BNC2: variants seen among roughly 807,000 people sequenced by gnomAD.
The protein encoded by BNC2 is basonuclin zinc finger protein 2.
A neutral mutation model predicts 76.3 loss-of-function variants in BNC2; 20 were observed. The observed-to-expected ratio is 0.26, with a 90% confidence interval of 0.18 to 0.38. The LOEUF is 0.38. Among genes scored for constraint, BNC2 ranks in the 10% least tolerant of loss-of-function variants. The pLI is 1.00. For synonymous variants in BNC2, 582 were observed against 514.8 expected (o/e 1.13, Z -1.77); for missense variants, 1,382 against 1,399.8 (o/e 0.99, Z 0.20).
At chr9:16,527,519 C>A (rs921528782) in intron 5 of BNC2, among the ~76,000 whole-genome samples, 1 of 152,132 alleles carries the variant, frequency 6.6e-6, no homozygotes, top group African/African-American at 2.4e-5. Flanking sequence ...AACACAACTT[C>A]CTACAAGTAT....
intron 5 of BNC2, among the ~76,000 whole-genome samples, chr9:16,536,364 G>A (rs1448181024): frequency 6.6e-6 from 1 of 152,126 alleles, no homozygotes; most frequent in Non-Finnish European, 1.5e-5. Context: ...ACCCTATGTG[G>A]TCTTTCTTGT....
At chr9:16,532,776 C>T (rs910070392) in intron 5 of BNC2, among the ~76,000 whole-genome samples, 14 of 152,162 alleles carry the variant, frequency 9.2e-5, no homozygotes, top group Non-Finnish European at 1.5e-4. Context: ...CTTGCTTCTA[C>T]TTACGTCTGG....
intron 3 of BNC2, among the ~76,000 whole-genome samples, chr9:16,678,267 C>CTTTTTCT (rs1822714767): frequency 2.2e-4 from 18 of 80,744 alleles, no homozygotes; most frequent in African/African-American, 9.6e-4. Flanking sequence ...CTTTCTTTTT[C>CTTTTTCT]TTTTTTTTTT....
At chr9:16,484,525 A>G (rs1822120929) in intron 5 of BNC2, among the ~76,000 whole-genome samples, 1 of 152,022 alleles carries the variant, frequency 6.6e-6, no homozygotes, top group South Asian at 2.1e-4. Flanking sequence ...ACTCAAAACA[A>G]CTCTGAATGT....
intron 2 of BNC2, among the ~76,000 whole-genome samples, chr9:16,736,358 G>A (rs1205996805): frequency 6.6e-6 from 1 of 151,692 alleles, no homozygotes; most frequent in African/African-American, 2.4e-5. Flanking sequence ...TCCTTCATAT[G>A]CAATTTACAA....
intron 5 of BNC2, among the ~76,000 whole-genome samples, chr9:16,493,146 G>A (rs12376103): frequency 7.2e-5 from 11 of 152,094 alleles, no homozygotes; most frequent in Non-Finnish European, 1.3e-4. Flanking sequence ...AATAAAGTAC[G>A]CACGCAGAAA....
chr9:16,584,679 G>A (rs1270180091), intron 3 of BNC2, among the ~76,000 whole-genome samples: 1 of 152,142 alleles, frequency 6.6e-6, no homozygotes, highest in Non-Finnish European at 1.5e-5. Flanking sequence ...AGACTATAAG[G>A]AGAAACGTTT....
chr9:16,844,624 G>A lies in BNC2; in HGVS notation c.3+26022C>T, dbSNP rs967411624. 4.6e-4 allele frequency among the ~76,000 whole-genome samples: 69 copies of A among 149,422 alleles called. 1 individual carries two copies. The highest frequency in any genetic ancestry group is 1.5e-3 in the African/African-American group (60 of 40,526). On this transcript the variant is annotated intron_variant, in intron 1 of 6. Transcript: ENST00000380672. ...GCGATTCTTCCTGCCTCAGCCTCCC[G>A]AGTAGCTGGGACTACAGGCACCCGC...
chr9:16,492,584 G>C (rs1027070370), intron 5 of BNC2, among the ~76,000 whole-genome samples: 2 of 152,138 alleles, frequency 1.3e-5, no homozygotes, highest in Non-Finnish European at 2.9e-5. Context: ...TTACCTGGCA[G>C]GTTGTAAAGG....
intron 5 of BNC2, among the ~76,000 whole-genome samples, chr9:16,484,460 T>C (rs1038374883): frequency 6.6e-6 from 1 of 152,194 alleles, no homozygotes; most frequent in South Asian, 2.1e-4. Flanking sequence ...TGAGACACCA[T>C]TGTTGGCTGC....
At chr9:16,695,531 CTTTCTTT>C (rs1420523786) in intron 3 of BNC2, among the ~76,000 whole-genome samples, 6 of 107,824 alleles carry the variant, frequency 5.6e-5, no homozygotes, top group East Asian at 2.6e-4. Flanking sequence ...TTTTCTTTTT[CTTTCTTT>C]TTTTTTTTTT....
At position 16,727,787 on chromosome 9, in the gene BNC2, A is replaced by T; in HGVS notation, c.330+10T>A. On this transcript the variant is annotated intron_variant, in intron 3 of 6. Coordinates refer to ENST00000380672, the MANE Select transcript of BNC2 (RefSeq NM_017637.6). ...AAAGAAAAAAAAAATCAAGAAAGAA[A>T]GTAACTTACCTGTTGGGACATTCTG... 1.2e-6 allele frequency: 2 copies of T among 1,603,126 alleles called. No homozygotes were observed. The highest frequency in any genetic ancestry group is 1.1e-5 in the South Asian group (1 of 87,330).
At chr9:16,510,060 C>T (rs1391217683) in intron 5 of BNC2, among the ~76,000 whole-genome samples, 1 of 152,162 alleles carries the variant, frequency 6.6e-6, no homozygotes, top group African/African-American at 2.4e-5. Context: ...TTGGAGAAAC[C>T]GTTCAGGAAC....
intron 4 of BNC2, among the ~76,000 whole-genome samples, chr9:16,557,268 G>A (rs2132616392): frequency 6.6e-6 from 1 of 152,262 alleles, no homozygotes; most frequent in African/African-American, 2.4e-5. Context: ...GGAGGTTGCA[G>A]TGGGCGAATA....
intron 3 of BNC2, among the ~76,000 whole-genome samples, chr9:16,590,437 C>T (rs1406593062): frequency 6.6e-6 from 1 of 151,952 alleles, no homozygotes; most frequent in East Asian, 2.0e-4. Context: ...ATGTGATCCA[C>T]CTGCCTCGGC....
chr9:16,490,249 G>A (rs188296482), intron 5 of BNC2, among the ~76,000 whole-genome samples: 21 of 152,182 alleles, frequency 1.4e-4, no homozygotes, highest in South Asian at 4.1e-4. Context: ...TGGGAGGTGA[G>A]AGGCACTTCT....
chr9:16,463,327 C>T (rs1043766014), intron 5 of BNC2, among the ~76,000 whole-genome samples: 4 of 118,532 alleles, frequency 3.4e-5, no homozygotes, highest in East Asian at 2.3e-4. Flanking sequence ...GACGGAGTCT[C>T]GCTCTGTCGC....
intron 5 of BNC2, among the ~76,000 whole-genome samples, chr9:16,490,941 C>A (rs1822266165): frequency 1.3e-5 from 2 of 151,966 alleles, no homozygotes; most frequent in Non-Finnish European, 2.9e-5. Flanking sequence ...TGAATAAGGA[C>A]TTTTAGGACA....
At chr9:16,453,263 A>T (rs1329359475) in intron 5 of BNC2, among the ~76,000 whole-genome samples, 1 of 152,200 alleles carries the variant, frequency 6.6e-6, no homozygotes, top group Admixed American at 6.5e-5. Context: ...GAGGTGCGTC[A>T]AAGTTGTCTA....
Sources: allele counts gnomAD v4.1 joint callset (sites outside exome capture counted in the v4.1 genomes callset), GRCh38; gene constraint gnomAD v4.1.1; transcripts MANE v1.5; gene names NCBI Gene and HGNC (gene_info 2026-07-23, HGNC 2026-07-21).